The following SENP3 variants were observed in gnomAD, a reference collection of about 807,000 sequenced individuals.
SENP3 encodes the protein SUMO specific peptidase 3.
SENP3 carries 11 observed loss-of-function variants against 66.2 expected under a neutral mutation model. The ratio of observed to expected loss-of-function variants is 0.17; its 90% CI spans 0.10 to 0.28. The LOEUF (loss-of-function observed/expected upper bound fraction) is 0.28. Ranked by LOEUF, SENP3 falls within the 10% of genes least tolerant of loss-of-function variation. The pLI is 1.00. For missense variants in SENP3, 548 were observed against 743.7 expected (o/e 0.74, Z 3.06); for synonymous variants, 292 against 277.6 (o/e 1.05, Z -0.52).
At chr17:7,566,749 AGATT>A (rs2071272515) in intron 6 of SENP3, among the ~76,000 whole-genome samples, 174 bp from the exon 7 acceptor site, 1 of 152,052 alleles carries the variant, frequency 6.6e-6, no homozygotes, top group Non-Finnish European at 1.5e-5. Context: ...GCAGACAGAC[AGATT>A]GAGGCCAGGA....
chr17:7,563,561 C>T lies in SENP3; in HGVS notation c.485C>T (p.Ala162Val). 6.4e-7 allele frequency: 1 copy of T among 1,551,724 alleles called. No individual in the cohort carries two copies. The highest frequency in any genetic ancestry group is 1.7e-4 in the Middle Eastern group (1 of 5,988). Residue 162 changes from alanine (A) to valine (V), a missense_variant, in exon 2 of 11, where the codon GCA becomes GTA. Ala to Val is a moderately conservative substitution (Grantham distance 64). Around this residue, in one of 6 missense-constraint regions of SENP3, gnomAD observed 215 missense variants for 230.7 expected, o/e 0.93. Transcript: ENST00000321337. ...GRHRGRRRGL[A>V]HPKNHLSPQQ... is the part of the protein sequence containing the mutation. The stretch of plus-strand genomic sequence containing the variant: ...CACCGGGGCCGGCGGCGGGGCCTCG[C>T]ACACCCCAAGAACCATCTTTCACCC...
At chr17:7,571,075 C>T in intron 10 of SENP3, 142 bp downstream of exon 10, 1 of 748,042 alleles carries the variant, frequency 1.3e-6, no homozygotes, top group Non-Finnish European at 2.2e-6. Flanking sequence ...AAAACACTGG[C>T]TTCACTGGTT....
intron 7 of SENP3, among the ~76,000 whole-genome samples, chr17:7,568,857 A>C (rs1186042419): frequency 2.0e-5 from 3 of 152,214 alleles, no homozygotes; most frequent in Admixed American, 1.3e-4. Flanking sequence ...CAGATAAAAC[A>C]ACCTGGGGCT....
rs2071317208 is a variant in SENP3 at position 7,571,779 on chromosome 17, T to C, written c.*296T>C. On this transcript the variant is annotated 3_prime_UTR_variant, in exon 11 of 11. Transcript: ENST00000321337. Reference sequence around the variant, plus strand: ...CCTTCCCCGTGCAGGGAGCAGGAAATCAGTGCTGGGGGTGGTGGGCGGACA... The same window carrying C: ...CCTTCCCCGTGCAGGGAGCAGGAAACCAGTGCTGGGGGTGGTGGGCGGACA... 1 of 180,440 alleles carries C rather than the reference T, an allele frequency of 5.5e-6. No individual in the cohort carries two copies. The highest frequency in any genetic ancestry group is 1.1e-5 in the Non-Finnish European group (1 of 90,058). 11.2% of individuals were successfully genotyped at this position (180,440 alleles called of 1,614,324 possible). A position where few individuals can be genotyped will look rare whatever the true frequency, so the allele number is the denominator to read the frequency against.
chr17:7,563,664 G>T lies in SENP3; in HGVS notation c.588G>T (p.Arg196=). 6.2e-7 allele frequency: 1 copy of T among 1,611,658 alleles called. No homozygotes were observed. The highest frequency in any genetic ancestry group is 8.5e-7 in the Non-Finnish European group (1 of 1,179,156). Residue 196 remains arginine (R), a synonymous_variant, in exon 2 of 11, where the codon CGG becomes CGT. Transcript: ENST00000321337. The part of the protein sequence containing the change: ...FDSPRGPPPP[R]LGLLGALMAE... ...CCCCCCGGGGGCCACCTCCACCCCG[G>T]CTGGGTCTGCTAGGTGCTCTCATGG...
In SENP3 at chr17:7,571,579, C is replaced by T; in HGVS notation, c.*96C>T. On this transcript the variant is annotated 3_prime_UTR_variant, in exon 11 of 11. Transcript: ENST00000321337. Reference sequence around the variant, plus strand: ...GTTCCTTTCCTCTCTTGCCTCTTCCCACTCACTTCCCTTTGGTTTTTCATA... The same window carrying T: ...GTTCCTTTCCTCTCTTGCCTCTTCCTACTCACTTCCCTTTGGTTTTTCATA... 1.3e-6 allele frequency: 1 copy of T among 749,664 alleles called. No individual in the cohort carries two copies. Among genetic ancestry groups the T allele is most frequent in the Non-Finnish European group, 2.3e-6 (1 of 438,554 alleles). 46.4% of individuals were successfully genotyped at this position (749,664 alleles called of 1,614,324 possible).
chr17:7,563,208 A>T lies in SENP3; in HGVS notation c.132A>T (p.Ser44=), dbSNP rs1421573129. 6.4e-7 allele frequency: 1 copy of T among 1,572,320 alleles called. No homozygotes were observed. The highest frequency in any genetic ancestry group is 1.4e-5 in the African/African-American group (1 of 73,912). ...CACCTCCCAAACCCCGACTCAAGTC[A>T]GGTGGAGGGTTTGGGCCAGATCCTG... is the stretch of plus-strand genomic sequence containing the variant. ...WPPPPKPRLK[S]GGGFGPDPGS... Residue 44 remains serine, a synonymous_variant, in exon 2 of 11, where the codon TCA becomes TCT. Coordinates refer to ENST00000321337, the MANE Select transcript of SENP3 (RefSeq NM_015670.6).
At chr17:7,563,814 GGTTGC>G in intron 2 of SENP3, 23 bp downstream of exon 2, 1 of 1,541,606 alleles carries the variant, frequency 6.5e-7, no homozygotes, top group Non-Finnish European at 8.8e-7. Flanking sequence ...AGGGGTGTGG[GGTTGC>G]GGGGGAGGGG....
At chr17:7,565,836 A>G in intron 6 of SENP3, 72 bp downstream of exon 6, 1 of 1,332,910 alleles carries the variant, frequency 7.5e-7, no homozygotes, top group Non-Finnish European at 1.1e-6. Flanking sequence ...AGCTCCTTTC[A>G]TCTCTTTCAT....
intron 6 of SENP3, 27 bp from the exon 7 acceptor site, chr17:7,566,900 T>G: frequency 6.7e-7 from 1 of 1,503,400 alleles, no homozygotes; most frequent in Non-Finnish European, 9.1e-7. Flanking sequence ...TTTAATTCCA[T>G]TGAGCTTTTT....
rs1325094826 is a variant in SENP3 at position 7,571,910 on chromosome 17, AAAAT to A, written c.*429_*432del. 13,034 of 25,302 alleles carry A rather than the reference AAAAT, an allele frequency of 0.52. 4,128 individuals are homozygous for A. The highest frequency in any genetic ancestry group is 0.62 in the Non-Finnish European group (8,686 of 13,902). 1.6% of individuals were successfully genotyped at this position (25,302 alleles called of 1,614,324 possible). On this transcript the variant is annotated 3_prime_UTR_variant, in exon 11 of 11. Transcript: ENST00000321337. ...ATATATATATATATATATATATATA[AAAAT>A]ATATAAATGCCACGGTCCTGCTCTG...
rs1354944707 is a variant in SENP3, at chr17:7,571,927, C to T, written c.*444C>T. ...TATATATAAAAATATATAAATGCCA[C>T]GGTCCTGCTCTGGTCAATAAAGGAT... is the stretch of plus-strand genomic sequence containing the variant. On this transcript the variant is annotated 3_prime_UTR_variant, in exon 11 of 11. Coordinates refer to ENST00000321337, the MANE Select transcript of SENP3 (RefSeq NM_015670.6). 1.7e-5 allele frequency: 2 copies of T among 114,642 alleles called. No homozygotes were observed. The highest frequency in any genetic ancestry group is 1.0e-4 in the Admixed American group (1 of 9,818). The allele number at this position is 114,642 out of a possible 1,614,324, so 7.1% of individuals were successfully genotyped here. A position where few individuals can be genotyped will look rare whatever the true frequency, so the allele number is the denominator to read the frequency against.
At position 7,562,466 on chromosome 17, in the gene SENP3, C is replaced by T. The variant is rs2071225601; in HGVS notation, c.-12+203C>T. ...ATGAAGTAGGAGGGGGCTGGGCCGGCCTGGCTTGTGCGCTCCGTTCTGTCC... is the reference window on the plus strand; with the variant it reads ...ATGAAGTAGGAGGGGGCTGGGCCGGTCTGGCTTGTGCGCTCCGTTCTGTCC... On this transcript the variant is annotated intron_variant, in intron 1 of 10. Transcript: ENST00000321337. The surrounding 1 kb of genome is among the most constrained non-coding windows in gnomAD (Gnocchi z 5.0). 6.6e-6 allele frequency among the ~76,000 whole-genome samples: 1 copy of T among 152,248 alleles called. No individual in the cohort carries two copies. Among genetic ancestry groups the T allele is most frequent in the Admixed American group, 6.5e-5 (1 of 15,288 alleles).
chr17:7,568,321 G>T (rs2071283589), intron 7 of SENP3, among the ~76,000 whole-genome samples: 1 of 152,230 alleles, frequency 6.6e-6, no homozygotes. Flanking sequence ...AAAGGGGCCG[G>T]GTGCGGCGGC....
chr17:7,562,844 G>A lies in SENP3; in HGVS notation c.-11-222G>A, dbSNP rs2071231091. On this transcript the variant is annotated intron_variant, in intron 1 of 10. Transcript: ENST00000321337. The surrounding 1 kb of genome is among the most constrained non-coding windows in gnomAD (Gnocchi z 5.0). ...TAAGATCTCTGAGGCCTGCTGCTTA[G>A]CCATTTTCCCTTGTCTCTGGACTGG... Among the ~76,000 whole-genome samples the A allele has an allele frequency of 6.6e-6, 1 of 152,222 alleles. No homozygotes were observed. The highest frequency in any genetic ancestry group is 2.4e-5 in the African/African-American group (1 of 41,456).
rs2071236233 is a variant in SENP3 at position 7,563,231 on chromosome 17, C to G, written c.155C>G (p.Pro52Arg). 3 of 1,568,202 alleles carry G rather than the reference C, an allele frequency of 1.9e-6. No individual in the cohort carries two copies. The highest frequency in any genetic ancestry group is 2.6e-6 in the Non-Finnish European group (3 of 1,156,428). Residue 52 changes from proline (P) to arginine (R), a missense_variant, in exon 2 of 11, where the codon CCT (proline) becomes CGT (arginine). Around this residue, in one of 6 missense-constraint regions of SENP3, gnomAD observed 164 missense variants for 167.9 expected, o/e 0.98. Transcript: ENST00000321337. ...LKSGGGFGPDPGSGTTVPARR... is the reference protein window; with the variant it reads ...LKSGGGFGPDRGSGTTVPARR... The stretch of plus-strand genomic sequence containing the variant: ...TCAGGTGGAGGGTTTGGGCCAGATC[C>G]TGGGTCAGGGACCACAGTGCCAGCC...
In SENP3 at chr17:7,570,673, C is replaced by T. The variant is rs752056372; in HGVS notation, c.1480-8C>T. 6.2e-7 allele frequency: 1 copy of T among 1,611,302 alleles called. No individual in the cohort carries two copies. Among genetic ancestry groups the T allele is most frequent in the Non-Finnish European group, 8.5e-7 (1 of 1,178,508 alleles). On this transcript the variant is annotated splice_polypyrimidine_tract_variant and splice_region_variant and intron_variant, in intron 8 of 10. Transcript: ENST00000321337. This position sits in a 1 kb window ranked among gnomAD's most constrained non-coding sequence, Gnocchi z 5.4. ...AGGGCATCACTTTCTTTTCCCCCAT[C>T]CACATAGCATATTGCCAAGTATCTA...
At position 7,561,946 on chromosome 17, in the gene SENP3, G is replaced by A. The variant is rs991816092; in HGVS notation, c.-329G>A. 1.3e-5 allele frequency: 5 copies of A among 391,338 alleles called. No individual in the cohort carries two copies. Among genetic ancestry groups the A allele is most frequent in the African/African-American group, 4.1e-5 (2 of 48,258 alleles). 24.2% of individuals were successfully genotyped at this position (391,338 alleles called of 1,614,324 possible). ...GACGTACTAATCGTGCGCCACCGCT[G>A]CCGGTGGGCCCGGGGCTCGCGGGAG... On this transcript the variant is annotated 5_prime_UTR_variant, in exon 1 of 11. Coordinates refer to ENST00000321337, the MANE Select transcript of SENP3 (RefSeq NM_015670.6). The surrounding 1 kb of genome is among the most constrained non-coding windows in gnomAD (Gnocchi z 4.4).
intron 7 of SENP3, among the ~76,000 whole-genome samples, chr17:7,569,852 T>C (rs2071298540): frequency 6.6e-6 from 1 of 152,258 alleles, no homozygotes; most frequent in Admixed American, 6.5e-5. Context: ...GAGCATTAAC[T>C]GCGTGTTTAC....
Sources: gnomAD v4.1 joint callset for allele counts (sites outside exome capture counted in the v4.1 genomes callset) on GRCh38, gnomAD v4.1.1 for gene constraint, gnomAD v4.1.1 regional missense constraint, Gnocchi (gnomAD v3.1) non-coding constraint, MANE v1.5 for transcripts, NCBI Gene and HGNC (gene_info 2026-07-23, HGNC 2026-07-21) for gene names.